Variants in CD163L1 observed in about 807,000 individuals in gnomAD.
The protein encoded by CD163L1 is scavenger receptor cysteine-rich type 1 protein M160.
Under a neutral mutation model 165.4 loss-of-function variants are expected in CD163L1, and 124 were observed. That is an observed-to-expected ratio of 0.75 (90% CI 0.65 to 0.87). CD163L1 has a LOEUF of 0.87. Ranked by LOEUF, CD163L1 falls within the 40% of genes least tolerant of loss-of-function variation. The pLI, the probability that CD163L1 is intolerant of heterozygous loss-of-function variation, is 0.00. For synonymous variants in CD163L1, 585 were observed against 662.2 expected, an observed-to-expected ratio of 0.88 and a Z score of 1.79; for missense variants, 1,525 against 1,799.9, an observed-to-expected ratio of 0.85 and a Z score of 2.76.
intron 18 of CD163L1, among the ~76,000 whole-genome samples, chr12:7,366,480 T>C (rs896844983): frequency 2.6e-5 from 4 of 152,156 alleles, no homozygotes; most frequent in Non-Finnish European, 5.9e-5. Flanking sequence ...ATTATATGAA[T>C]GTACTAAATT....
chr12:7,373,803 G>A (rs1380472322), intron 13 of CD163L1, among the ~76,000 whole-genome samples, 163 bp from the exon 14 acceptor site: 14 of 152,118 alleles, frequency 9.2e-5, no homozygotes, highest in Non-Finnish European at 1.5e-5. Context: ...GGAAACTAAG[G>A]GTCTTGTAAG....
At chr12:7,346,495 C>T (rs1946671235), downstream of CD163L1, among the ~76,000 whole-genome samples, 1 of 151,850 alleles carries the variant, frequency 6.6e-6, no homozygotes, top group Non-Finnish European at 1.5e-5. Flanking sequence ...CTCTGTCTGC[C>T]CAATACATTT....
rs754242475 is a variant in CD163L1, at chr12:7,406,807, C to T, written c.812G>A (p.Cys271Tyr). ...ELRLVGGTNR[C>Y]MGRVELKIQG... ...GATTTTCAGCTCTACTCTCCCCATA[C>T]AGCGGTTAGTTCCACCTACAAGCCT... is the stretch of plus-strand genomic sequence containing the variant. The change falls in exon 5 of 20, where the codon TGT (cysteine) becomes TAT (tyrosine). Residue 271 changes from cysteine (C) to tyrosine (Y), a missense_variant. Coordinates refer to ENST00000313599, the MANE Select transcript of CD163L1 (RefSeq NM_174941.6). The T allele has an allele frequency of 7.4e-6, 12 of 1,613,960 alleles. No homozygotes were observed. The highest frequency in any genetic ancestry group is 9.3e-6 in the Non-Finnish European group (11 of 1,179,990).
In CD163L1 at chr12:7,433,379, C is replaced by A; in HGVS notation, c.440G>T (p.Cys147Phe). Residue 147 changes from cysteine to phenylalanine, a missense_variant, in exon 3 of 20, where the codon TGT (cysteine) becomes TTT (phenylalanine). Transcript: ENST00000313599. ...TACTCTAGTTAGACTCTTACCATAA[C>A]AGTTCACACCAACATCTTCTCCATG... ...CYHGEDVGVNCYGEANLGLRL... is the reference protein window; with the variant it reads ...CYHGEDVGVNFYGEANLGLRL... 6.3e-7 allele frequency: 1 copy of A among 1,586,278 alleles called. No homozygotes were observed. The highest frequency in any genetic ancestry group is 8.6e-7 in the Non-Finnish European group (1 of 1,165,752).
intron 18 of CD163L1, among the ~76,000 whole-genome samples, chr12:7,362,027 A>T (rs1946902402): frequency 6.6e-6 from 1 of 151,086 alleles, no homozygotes; most frequent in African/African-American, 2.4e-5. Context: ...TTTCCGGCTG[A>T]CTTATTTCAC....
chr12:7,375,155 A>C, intron 11 of CD163L1, 126 bp downstream of exon 11: 3 of 944,634 alleles, frequency 3.2e-6, no homozygotes, highest in Non-Finnish European at 4.7e-6. Flanking sequence ...TTACTCTTTG[A>C]CTGTCATGCC....
the CD163L1 span, among the ~76,000 whole-genome samples, chr12:7,330,095 T>C: frequency 2.6e-5 from 4 of 152,190 alleles, no homozygotes; most frequent in Non-Finnish European, 4.4e-5. Context: ...ATAATCCTCT[T>C]ATCAATCCTT....
downstream of CD163L1, chr12:7,346,656 CAAAG>C (rs1946672170): frequency 6.6e-6 from 1 of 152,134 alleles, no homozygotes; most frequent in Non-Finnish European, 1.5e-5. Context: ...AGACAACAAA[CAAAG>C]AGACACCTAG....
intron 4 of CD163L1, among the ~76,000 whole-genome samples, chr12:7,408,152 C>G (rs542598456): frequency 1.3e-5 from 2 of 151,958 alleles, no homozygotes; most frequent in Non-Finnish European, 2.9e-5. Flanking sequence ...CTGTCTCTCT[C>G]TCTCCAATTG....
intron 9 of CD163L1, among the ~76,000 whole-genome samples, chr12:7,378,612 TA>T (rs138027054): frequency 0.014 from 2,190 of 152,324 alleles, 69 homozygotes; most frequent in African/African-American, 0.05. Flanking sequence ...GTTACTCGAA[TA>T]AAATACTACT....
At chr12:7,337,275 T>C in the CD163L1 span, among the ~76,000 whole-genome samples, 2 of 152,216 alleles carry the variant, frequency 1.3e-5, no homozygotes, top group East Asian at 3.9e-4. Context: ...ACTTCATGAC[T>C]AAAACACCAA....
intron 4 of CD163L1, among the ~76,000 whole-genome samples, chr12:7,408,091 A>ATG (rs1048894809): frequency 6.7e-6 from 1 of 148,288 alleles, no homozygotes; most frequent in African/African-American, 2.6e-5. Flanking sequence ...ATATATATAT[A>ATG]TATCATATAT....
chr12:7,439,596 T>C (rs1334245551), intron 2 of CD163L1: 1 of 1,596,254 alleles, frequency 6.3e-7, no homozygotes, highest in Non-Finnish European at 8.6e-7. Flanking sequence ...TCGCCTCAAA[T>C]ATGTCGTTAT....
chr12:7,388,095 C>T (rs1186973427), intron 8 of CD163L1, among the ~76,000 whole-genome samples: 1 of 152,050 alleles, frequency 6.6e-6, no homozygotes, highest in East Asian at 1.9e-4. Flanking sequence ...AAACCATACC[C>T]CTCTCTCACC....
At position 7,369,486 on chromosome 12, in the gene CD163L1, C is replaced by T. The variant is rs1417156161; in HGVS notation, c.3910G>A (p.Gly1304Arg). 1 of 1,614,054 alleles carries T rather than the reference C, an allele frequency of 6.2e-7. No individual in the cohort carries two copies. Among genetic ancestry groups the T allele is most frequent in the Non-Finnish European group, 8.5e-7 (1 of 1,180,036 alleles). Residue 1304 changes from glycine (G) to arginine (R), a missense_variant, in exon 15 of 20, where the codon GGA becomes AGA. By Grantham distance (125) the Gly-to-Arg change is moderately radical (BLOSUM62 -2). Coordinates refer to ENST00000313599, the MANE Select transcript of CD163L1 (RefSeq NM_174941.6). The surrounding 1 kb of genome is among the most constrained non-coding windows in gnomAD (Gnocchi z 4.9). ...TCATCCAACCAGATGGTTCCAGTTC[C>T]CTGGCCAAACGAAGCGTCCCTCAGG... ...AALRDASFGQ[G>R]TGTIWLDDMR...
chr12:7,381,866 TGA>T (rs1241641560), intron 8 of CD163L1, among the ~76,000 whole-genome samples: 1 of 151,820 alleles, frequency 6.6e-6, no homozygotes, highest in Non-Finnish European at 1.5e-5. Context: ...TATTCCACTC[TGA>T]GAGAGAGTCT....
At position 7,432,281 on chromosome 12, in the gene CD163L1, G is replaced by C. The variant is rs1216618295; in HGVS notation, c.766+135C>G. ...GTGTTTAGGAAAACTCCAGAATGGA[G>C]CAATTTCAGGGTAACAAAAATGTGT... On this transcript the variant is annotated intron_variant, in intron 4 of 19. Coordinates refer to ENST00000313599, the MANE Select transcript of CD163L1 (RefSeq NM_174941.6). The surrounding 1 kb of genome is among the most constrained non-coding windows in gnomAD (Gnocchi z 4.2). The C allele has an allele frequency of 3.0e-6, 2 of 663,948 alleles. No individual in the cohort carries two copies. The highest frequency in any genetic ancestry group is 5.1e-6 in the Non-Finnish European group (2 of 395,484). 41.1% of individuals were successfully genotyped at this position (663,948 alleles called of 1,614,324 possible).
chr12:7,400,398 T>C lies in CD163L1; in HGVS notation c.1409-1814A>G, dbSNP rs1448264264. Among the ~76,000 whole-genome samples the C allele has an allele frequency of 6.6e-6, 1 of 152,198 alleles. No homozygotes were observed. The highest frequency in any genetic ancestry group is 1.5e-5 in the Non-Finnish European group (1 of 68,042). On this transcript the variant is annotated intron_variant, in intron 6 of 19. Coordinates refer to ENST00000313599, the MANE Select transcript of CD163L1 (RefSeq NM_174941.6). This position sits in a 1 kb window ranked among gnomAD's most constrained non-coding sequence, Gnocchi z 4.1. ...ATAGAAACAAAGCAAAGAAAAACTT[T>C]TAATTCCTGATGCAAACAAATATAT...
intron 4 of CD163L1, among the ~76,000 whole-genome samples, chr12:7,426,855 T>C (rs1948551989): frequency 6.6e-6 from 1 of 152,182 alleles, no homozygotes; most frequent in Admixed American, 6.6e-5. Context: ...AAAATAGAGA[T>C]GGAAAAATGT....
Sources: allele counts gnomAD v4.1 joint callset (sites outside exome capture counted in the v4.1 genomes callset), GRCh38; gene constraint gnomAD v4.1.1; non-coding constraint Gnocchi (gnomAD v3.1); transcripts MANE v1.5; gene names NCBI Gene and HGNC (gene_info 2026-07-23, HGNC 2026-07-21).